TMEM132B: variants seen among roughly 807,000 people sequenced by gnomAD.
TMEM132B encodes the protein transmembrane protein 132B.
TMEM132B carries 18 observed loss-of-function variants against 90.8 expected under a neutral mutation model. The observed-to-expected ratio is 0.20, with a 90% CI of 0.14 to 0.29. TMEM132B has a LOEUF of 0.29. Among genes scored for constraint, TMEM132B ranks in the 10% least tolerant of loss-of-function variants. The pLI is 1.00. For missense variants in TMEM132B, 1,096 were observed against 1,326.8 expected (o/e 0.83, Z 2.70); for synonymous variants, 504 against 523.3 (o/e 0.96, Z 0.50).
intron 1 of TMEM132B, among the ~76,000 whole-genome samples, chr12:125,237,744 C>T (rs112159721): frequency 5.5e-4 from 84 of 152,320 alleles, no homozygotes; most frequent in African/African-American, 1.9e-3. Flanking sequence ...CCACCATGCC[C>T]GGCCACGTTG....
chr12:125,396,974 A>C (rs1879185630), intron 2 of TMEM132B, among the ~76,000 whole-genome samples: 1 of 147,016 alleles, frequency 6.8e-6, no homozygotes, highest in Non-Finnish European at 1.5e-5. Context: ...TAACTTCACT[A>C]TTCTTTTTTT....
chr12:125,659,544 G>A lies in TMEM132B; in HGVS notation c.*4834G>A, dbSNP rs1042057502. ...TTCTTTTTGAGAGGCTGAAGTAGAT[G>A]TTTCAGCTGAAAGATGGGTGGTACA... is the stretch of plus-strand genomic sequence containing the variant. On this transcript the variant is annotated 3_prime_UTR_variant, in exon 9 of 9. Coordinates refer to ENST00000682704, the MANE Select transcript of TMEM132B (RefSeq NM_001366854.1). 8 of 152,270 alleles carry A rather than the reference G, an allele frequency of 5.3e-5. No individual in the cohort carries two copies. Among genetic ancestry groups the A allele is most frequent in the African/African-American group, 1.7e-4 (7 of 41,432 alleles). The allele number at this position is 152,270 out of a possible 1,614,324, so 9.4% of individuals were successfully genotyped here. A position where few individuals can be genotyped will look rare whatever the true frequency, so the allele number is the denominator to read the frequency against.
chr12:125,219,358 C>T (rs1268846087), intron 1 of TMEM132B, among the ~76,000 whole-genome samples: 1 of 152,172 alleles, frequency 6.6e-6, no homozygotes, highest in Admixed American at 6.5e-5. Flanking sequence ...ACTAGGAAGT[C>T]GTATCTCAAT....
chr12:125,581,534 T>C (rs1566080090), intron 4 of TMEM132B, among the ~76,000 whole-genome samples: 3 of 152,190 alleles, frequency 2.0e-5, no homozygotes, highest in Admixed American at 2.0e-4. Context: ...CATGTGCTTT[T>C]CTGCGAAGTC....
chr12:125,531,827 C>T (rs986258232), intron 4 of TMEM132B, among the ~76,000 whole-genome samples: 3 of 152,206 alleles, frequency 2.0e-5, no homozygotes, highest in African/African-American at 7.2e-5. Context: ...CACAAGTAAC[C>T]GTCTTTGTCG....
At position 125,647,387 on chromosome 12, in the gene TMEM132B, C is replaced by A. The variant is rs115696895; in HGVS notation, c.1643+3106C>A. ...CTTGGGAAACCACAAACATGATAAACCCAAAGAAATCCATGTGAAGACACA... is the reference window on the plus strand; with the variant it reads ...CTTGGGAAACCACAAACATGATAAAACCAAAGAAATCCATGTGAAGACACA... On this transcript the variant is annotated intron_variant, in intron 6 of 8. Transcript: ENST00000682704. Among the ~76,000 whole-genome samples, 543 of 152,246 alleles carry A rather than the reference C, an allele frequency of 3.6e-3. 2 individuals carry two copies. The highest frequency in any genetic ancestry group is 0.013 in the African/African-American group (521 of 41,526).
At chr12:125,585,043 C>T (rs1050615374) in intron 5 of TMEM132B, 5 of 152,044 alleles carry the variant, frequency 3.3e-5, no homozygotes, top group Non-Finnish European at 7.4e-5. Flanking sequence ...TAGGGGTTTC[C>T]CTATAGTAGA....
chr12:125,215,585 A>C (rs1873415611), intron 1 of TMEM132B, among the ~76,000 whole-genome samples: 1 of 152,018 alleles, frequency 6.6e-6, no homozygotes, highest in Non-Finnish European at 1.5e-5. Context: ...TCTGTTGCCC[A>C]GGCTGGAGTG....
chr12:125,565,254 C>T lies in TMEM132B; in HGVS notation c.1294-18597C>T, dbSNP rs575897723. On this transcript the variant is annotated intron_variant, in intron 4 of 8. Transcript: ENST00000682704. ...GTTCCCTGACCCGCCTTGCAGGATGCGAGACAGAATCGTGGCTTGTCTGTT... is the reference window on the plus strand; with the variant it reads ...GTTCCCTGACCCGCCTTGCAGGATGTGAGACAGAATCGTGGCTTGTCTGTT... Among the ~76,000 whole-genome samples the T allele has an allele frequency of 7.9e-5, 12 of 152,272 alleles. No individual in the cohort carries two copies. The South Asian group carries it at 2.3e-3, about 29-fold the overall frequency.
intron 1 of TMEM132B, among the ~76,000 whole-genome samples, chr12:125,310,298 T>A (rs73233359): frequency 2.6e-5 from 4 of 152,106 alleles, no homozygotes; most frequent in Admixed American, 6.5e-5. Flanking sequence ...GATCTCCTGG[T>A]GGGCAGTGGC....
chr12:125,244,526 T>C (rs1458161728), intron 1 of TMEM132B, among the ~76,000 whole-genome samples: 3 of 152,312 alleles, frequency 2.0e-5, no homozygotes, highest in South Asian at 2.1e-4. Context: ...TCTTCCCCAG[T>C]GTTCTCTGTT....
intron 1 of TMEM132B, among the ~76,000 whole-genome samples, chr12:125,257,770 T>C (rs1485003611): frequency 1.3e-5 from 2 of 152,018 alleles, no homozygotes; most frequent in African/African-American, 4.8e-5. Context: ...GAAGAGAAGG[T>C]GATGTGGCCA....
chr12:125,491,320 G>A (rs1882345143), intron 3 of TMEM132B, among the ~76,000 whole-genome samples: 1 of 150,050 alleles, frequency 6.7e-6, no homozygotes, highest in African/African-American at 2.5e-5. Context: ...TTTAGAGATG[G>A]GGTCTCACTC....
chr12:125,326,499 G>A (rs2136196465), intron 1 of TMEM132B: 2 of 1,130,732 alleles, frequency 1.8e-6, no homozygotes, highest in African/African-American at 3.1e-5. Context: ...CGTTGTCCTG[G>A]CAACCTGTAT....
At chr12:125,633,018 T>C (rs1886402446) in intron 5 of TMEM132B, among the ~76,000 whole-genome samples, 1 of 152,122 alleles carries the variant, frequency 6.6e-6, no homozygotes, top group African/African-American at 2.4e-5. Flanking sequence ...TCGAAGCCAA[T>C]AACTCTCAGA....
At chr12:125,419,217 CTCAAGGTGAAG>C (rs976517376) in intron 3 of TMEM132B, among the ~76,000 whole-genome samples, 1 of 152,182 alleles carries the variant, frequency 6.6e-6, no homozygotes, top group African/African-American at 2.4e-5. Flanking sequence ...TGTAACCCAA[CTCAAGGTGAAG>C]TCAAGATCCA....
intron 3 of TMEM132B, among the ~76,000 whole-genome samples, chr12:125,466,785 G>A (rs955819682): frequency 2.6e-5 from 4 of 152,234 alleles, no homozygotes; most frequent in Non-Finnish European, 5.9e-5. Flanking sequence ...TCCACCAAGT[G>A]TCCAGTTGTT....
At chr12:125,548,781 GGCT>G (rs1266429614) in intron 4 of TMEM132B, among the ~76,000 whole-genome samples, 1 of 152,194 alleles carries the variant, frequency 6.6e-6, no homozygotes, top group Non-Finnish European at 1.5e-5. Flanking sequence ...CTGGAAGTCT[GGCT>G]GCTGTGTGGG....
chr12:125,249,910 T>C (rs1335199412), intron 1 of TMEM132B, among the ~76,000 whole-genome samples: 1 of 152,236 alleles, frequency 6.6e-6, no homozygotes, highest in African/African-American at 2.4e-5. Context: ...AGACATCACC[T>C]TTGCCCTGAA....
Sources: allele counts gnomAD v4.1 joint callset (sites outside exome capture counted in the v4.1 genomes callset), GRCh38; gene constraint gnomAD v4.1.1; transcripts MANE v1.5; gene names NCBI Gene and HGNC (gene_info 2026-07-23, HGNC 2026-07-21).